PRDM16: variants seen among roughly 807,000 people sequenced by gnomAD.
The protein encoded by PRDM16 is PR/SET domain 16, also known as histone-lysine N-methyltransferase PRDM16.
PRDM16 carries 23 observed loss-of-function variants against 110.6 expected under a neutral mutation model. The observed-to-expected ratio is 0.21, with a 90% confidence interval of 0.15 to 0.29. The LOEUF is 0.29. Ranked by LOEUF, PRDM16 falls within the 10% of genes least tolerant of loss-of-function variation. The pLI is 1.00. For missense variants in PRDM16, 1,615 were observed against 1,794.3 expected, an observed-to-expected ratio of 0.90 and a Z score of 1.81; for synonymous variants, 799 against 781.8, an observed-to-expected ratio of 1.02 and a Z score of -0.37.
chr1:3,343,750 C>T (rs1642313749), intron 3 of PRDM16, among the ~76,000 whole-genome samples: 2 of 152,136 alleles, frequency 1.3e-5, no homozygotes, highest in African/African-American at 4.8e-5. Context: ...CCGCCATTCT[C>T]CTGCCTCAGC....
chr1:3,203,430 C>T (rs1057395390), intron 2 of PRDM16, among the ~76,000 whole-genome samples: 4 of 152,330 alleles, frequency 2.6e-5, no homozygotes, highest in East Asian at 1.9e-4. Flanking sequence ...CTTATGAGCC[C>T]GTATTAGGGC....
intron 16 of PRDM16, 120 bp from the exon 17 acceptor site, chr1:3,433,553 GCGCT>G (rs1638828137): frequency 4.5e-6 from 1 of 221,932 alleles, no homozygotes; most frequent in Non-Finnish European, 8.2e-6. Flanking sequence ...CCCTGCCCAC[GCGCT>G]CACCTGCCTG....
intron 3 of PRDM16, among the ~76,000 whole-genome samples, chr1:3,361,261 G>C (rs1397128357): frequency 6.6e-6 from 1 of 152,074 alleles, no homozygotes; most frequent in East Asian, 1.9e-4. Context: ...CCTCAGCATG[G>C]GCTTCAGCTG....
chr1:3,417,346 T>C (rs147328263), intron 10 of PRDM16, among the ~76,000 whole-genome samples: 2,839 of 152,300 alleles, frequency 0.019, 38 homozygotes, highest in South Asian at 0.067. Flanking sequence ...TAAACGGAGA[T>C]TCAGGTTGCT....
chr1:3,270,593 G>A (rs1209350762), intron 3 of PRDM16, among the ~76,000 whole-genome samples: 1 of 148,868 alleles, frequency 6.7e-6, no homozygotes, highest in African/African-American at 2.5e-5. Context: ...GTCGAGAGGA[G>A]GACAGTCGGG....
chr1:3,181,656 GGTCTTACA>G (rs796988618), intron 1 of PRDM16, among the ~76,000 whole-genome samples: 7,471 of 116,512 alleles, frequency 0.064, 538 homozygotes, highest in East Asian at 0.26. Context: ...TCTTACACAC[GGTCTTACA>G]CAGTCTTACA....
At chr1:3,329,704 T>C (rs1357672634) in intron 3 of PRDM16, among the ~76,000 whole-genome samples, 1 of 152,196 alleles carries the variant, frequency 6.6e-6, no homozygotes, top group African/African-American at 2.4e-5. Flanking sequence ...TTGAGTGTGA[T>C]TCTGGCTGTG....
chr1:3,135,560 C>A (rs1643420434), intron 1 of PRDM16, among the ~76,000 whole-genome samples: 1 of 152,164 alleles, frequency 6.6e-6, no homozygotes, highest in African/African-American at 2.4e-5. Context: ...CGACCGAGCC[C>A]TCCCCCTCCG....
At chr1:3,126,878 G>A (rs1025301197) in intron 1 of PRDM16, among the ~76,000 whole-genome samples, 1 of 152,250 alleles carries the variant, frequency 6.6e-6, no homozygotes, top group Non-Finnish European at 1.5e-5. Context: ...TCTGGTGTCA[G>A]GCCCGGGCCC....
chr1:3,086,194 G>A (rs538158812), intron 1 of PRDM16, among the ~76,000 whole-genome samples: 11 of 152,286 alleles, frequency 7.2e-5, no homozygotes, highest in African/African-American at 2.4e-4. Flanking sequence ...GTTGCTCAGG[G>A]TGAGCTCGTG....
At chr1:3,183,185 G>A (rs1644230731) in intron 1 of PRDM16, among the ~76,000 whole-genome samples, 1 of 152,192 alleles carries the variant, frequency 6.6e-6, no homozygotes, top group African/African-American at 2.4e-5. Flanking sequence ...CTGGGTGGTA[G>A]GCCAGTGAAA....
intron 2 of PRDM16, among the ~76,000 whole-genome samples, chr1:3,217,248 G>A (rs889819593): frequency 6.6e-5 from 10 of 152,228 alleles, no homozygotes; most frequent in African/African-American, 2.4e-4. Context: ...ATTCCTGGGC[G>A]GCTGGCGTCC....
intron 3 of PRDM16, among the ~76,000 whole-genome samples, chr1:3,286,432 T>G (rs1374502190): frequency 6.6e-6 from 1 of 152,136 alleles, no homozygotes; most frequent in Admixed American, 6.5e-5. Context: ...CCTGGGTTCC[T>G]GTTTCCCATC....
chr1:3,375,647 C>T (rs1477788292), intron 3 of PRDM16, among the ~76,000 whole-genome samples: 1 of 152,234 alleles, frequency 6.6e-6, no homozygotes, highest in African/African-American at 2.4e-5. Context: ...GCAGGGGGCA[C>T]AGCACAGCCT....
chr1:3,284,442 C>T (rs1257327324), intron 3 of PRDM16, among the ~76,000 whole-genome samples: 2 of 152,096 alleles, frequency 1.3e-5, no homozygotes, highest in African/African-American at 4.8e-5. Context: ...CAGTGTAAGG[C>T]GTGGCCAAAA....
At chr1:3,260,832 A>T (rs57224513) in intron 3 of PRDM16, among the ~76,000 whole-genome samples, 5 of 146,316 alleles carry the variant, frequency 3.4e-5, no homozygotes, top group Admixed American at 2.7e-4. Flanking sequence ...GACGATGATG[A>T]TGATGAGCCT....
chr1:3,363,690 T>G (rs1014412761), intron 3 of PRDM16, among the ~76,000 whole-genome samples: 8 of 152,040 alleles, frequency 5.3e-5, no homozygotes, highest in Admixed American at 5.2e-4. Flanking sequence ...GGGGGGCAGG[T>G]GCACAGCTCA....
rs549801424 is a variant in PRDM16, at chr1:3,220,440, G to T, written c.388-23647G>T. 6.6e-5 allele frequency among the ~76,000 whole-genome samples: 10 copies of T among 152,314 alleles called. No homozygotes were observed. In the South Asian group the frequency reaches 2.1e-3, roughly 32 times the overall value. The stretch of plus-strand genomic sequence containing the variant: ...CTCTGTGGGCCTGGGACCTGGTCAC[G>T]CAGGACCAGCACAGGTTGGGGCAAC... On this transcript the variant is annotated intron_variant, in intron 2 of 16. Transcript: ENST00000270722.
intron 1 of PRDM16, among the ~76,000 whole-genome samples, chr1:3,089,675 G>A (rs887140752): frequency 1.3e-5 from 2 of 152,356 alleles, no homozygotes; most frequent in Non-Finnish European, 2.9e-5. Flanking sequence ...CCGAGGAAGC[G>A]CAGGGAGCCT....
Sources: gnomAD v4.1 joint callset for allele counts (sites outside exome capture counted in the v4.1 genomes callset) on GRCh38, gnomAD v4.1.1 for gene constraint, MANE v1.5 for transcripts, NCBI Gene and HGNC (gene_info 2026-07-23, HGNC 2026-07-21) for gene names.